Variants in CDH18 observed in about 807,000 individuals in gnomAD.
CDH18 encodes the protein cadherin 18.
In CDH18, 31 loss-of-function variants were observed where a neutral mutation model predicts 67.9. The ratio of observed to expected loss-of-function variants is 0.46; its 90% CI spans 0.34 to 0.62. The LOEUF (loss-of-function observed/expected upper bound fraction) is 0.62. CDH18 is among the 20% of genes least tolerant of loss of function. CDH18 has a pLI of 0.01. For missense variants in CDH18, 890 were observed against 975.5 expected (o/e 0.91, Z 1.17); for synonymous variants, 362 against 347.2 (o/e 1.04, Z -0.48).
intron 1 of CDH18, among the ~76,000 whole-genome samples, chr5:20,326,711 T>C (rs1738628432): frequency 6.6e-6 from 1 of 151,974 alleles, no homozygotes; most frequent in Non-Finnish European, 1.5e-5. Flanking sequence ...GCTAATTTTT[T>C]GTATTTTTTT....
chr5:20,525,038 G>A (rs905711813), intron 1 of CDH18, among the ~76,000 whole-genome samples: 8 of 152,128 alleles, frequency 5.3e-5, no homozygotes, highest in Admixed American at 2.0e-4. Context: ...GTTGGCTTGC[G>A]AACTTATTCC....
chr5:19,782,759 A>G (rs947377027), intron 3 of CDH18, among the ~76,000 whole-genome samples: 5 of 152,164 alleles, frequency 3.3e-5, no homozygotes, highest in Non-Finnish European at 7.4e-5. Flanking sequence ...ATTCTTAGGT[A>G]TGCTTGGCCA....
intron 1 of CDH18, among the ~76,000 whole-genome samples, chr5:20,515,114 G>A (rs1755279510): frequency 6.6e-6 from 1 of 151,914 alleles, no homozygotes; most frequent in Admixed American, 6.6e-5. Flanking sequence ...TACATGTCAT[G>A]TAAATATTGT....
intron 2 of CDH18, among the ~76,000 whole-genome samples, chr5:20,198,827 C>A (rs1486196287): frequency 6.6e-6 from 1 of 152,184 alleles, no homozygotes; most frequent in African/African-American, 2.4e-5. Context: ...CCCTGTGACC[C>A]AGTTGCTCCA....
chr5:20,031,074 T>G (rs1339565637), intron 2 of CDH18, among the ~76,000 whole-genome samples: 2 of 152,114 alleles, frequency 1.3e-5, no homozygotes, highest in African/African-American at 4.8e-5. Context: ...TCATGAGGAA[T>G]CTCAGCTATA....
At chr5:19,718,716 T>G (rs1765640462) in intron 5 of CDH18, among the ~76,000 whole-genome samples, 1 of 151,998 alleles carries the variant, frequency 6.6e-6, no homozygotes, top group African/African-American at 2.4e-5. Context: ...GTTCCCATGA[T>G]GCATTAGCCA....
chr5:20,436,590 C>T (rs1749181014), intron 1 of CDH18, among the ~76,000 whole-genome samples: 1 of 151,022 alleles, frequency 6.6e-6, no homozygotes, highest in Non-Finnish European at 1.5e-5. Flanking sequence ...ATATTTAATG[C>T]AAGTATTTCT....
At chr5:20,151,934 G>T (rs1751143270) in intron 2 of CDH18, among the ~76,000 whole-genome samples, 1 of 151,188 alleles carries the variant, frequency 6.6e-6, no homozygotes, top group Non-Finnish European at 1.5e-5. Flanking sequence ...AATAGCCATG[G>T]AATCCAGAAT....
chr5:19,670,657 T>A (rs1758616424), intron 5 of CDH18, among the ~76,000 whole-genome samples: 1 of 152,104 alleles, frequency 6.6e-6, no homozygotes, highest in South Asian at 2.1e-4. Flanking sequence ...TTCCAGAGAT[T>A]ATTATATCCT....
chr5:19,505,115 C>G (rs901309400), intron 10 of CDH18, among the ~76,000 whole-genome samples: 2 of 151,964 alleles, frequency 1.3e-5, no homozygotes, highest in African/African-American at 4.8e-5. Flanking sequence ...TCACATATGA[C>G]AATCGTGTTT....
intron 1 of CDH18, among the ~76,000 whole-genome samples, chr5:20,266,721 C>A (rs1745071813): frequency 1.3e-5 from 2 of 151,594 alleles, no homozygotes; most frequent in Non-Finnish European, 1.5e-5. Flanking sequence ...AGTCACTGTG[C>A]CCGGCCTTGC....
chr5:20,300,303 C>CGTATGT (rs1747868902), intron 1 of CDH18, among the ~76,000 whole-genome samples: 49 of 148,616 alleles, frequency 3.3e-4, no homozygotes, highest in Non-Finnish European at 1.5e-5. Context: ...TGTGTGTGTG[C>CGTATGT]GTGTGTGTGT....
At chr5:19,649,783 CT>C (rs34822143) in intron 5 of CDH18, among the ~76,000 whole-genome samples, 267 of 151,648 alleles carry the variant, frequency 1.8e-3, no homozygotes, top group African/African-American at 6.2e-3. Context: ...AAATGGCTAC[CT>C]TTTTTTTCCT....
intron 6 of CDH18, among the ~76,000 whole-genome samples, chr5:19,593,266 G>A (rs1405776613): frequency 6.6e-6 from 1 of 152,076 alleles, no homozygotes; most frequent in African/African-American, 2.4e-5. Context: ...CGCTACACAA[G>A]TTCACATTTC....
At chr5:19,956,280 A>G (rs138670773) in intron 2 of CDH18, among the ~76,000 whole-genome samples, 269 of 152,064 alleles carry the variant, frequency 1.8e-3, no homozygotes, top group African/African-American at 6.3e-3. Flanking sequence ...TTTCTAAGTA[A>G]TTTCATTTAT....
intron 3 of CDH18, among the ~76,000 whole-genome samples, chr5:19,819,870 C>T (rs565365655): frequency 6.6e-6 from 1 of 152,186 alleles, no homozygotes; most frequent in South Asian, 2.1e-4. Context: ...TTTTAGCTGG[C>T]CCCTCCCGAG....
chr5:20,059,585 C>T (rs1006613853), intron 2 of CDH18, among the ~76,000 whole-genome samples: 2 of 152,154 alleles, frequency 1.3e-5, no homozygotes, highest in Non-Finnish European at 2.9e-5. Context: ...ACCAGAAATA[C>T]CATTTGAACC....
chr5:19,885,907 G>T (rs1354323191), intron 2 of CDH18, among the ~76,000 whole-genome samples: 1 of 152,118 alleles, frequency 6.6e-6, no homozygotes, highest in East Asian at 1.9e-4. Flanking sequence ...AGCGTTGATA[G>T]ATCTTATCTA....
intron 1 of CDH18, among the ~76,000 whole-genome samples, chr5:20,516,197 T>G (rs985396309): frequency 6.6e-6 from 1 of 151,976 alleles, no homozygotes; most frequent in Non-Finnish European, 1.5e-5. Context: ...TGTAAAATAT[T>G]AAGTAAAAAA....
Sources: gnomAD v4.1 joint callset for allele counts (sites outside exome capture counted in the v4.1 genomes callset) on GRCh38, gnomAD v4.1.1 for gene constraint, MANE v1.5 for transcripts, NCBI Gene and HGNC (gene_info 2026-07-23, HGNC 2026-07-21) for gene names.